The following TULP4 variants were observed in gnomAD, a reference collection of about 807,000 sequenced individuals.
TULP4 encodes the protein TUB like protein 4, also known as tubby-related protein 4.
In TULP4, 16 loss-of-function variants were observed where a neutral mutation model predicts 129.0. That is an observed-to-expected ratio of 0.12 (90% CI 0.08 to 0.19). The LOEUF is 0.19. Ranked by LOEUF, TULP4 falls within the 10% of genes least tolerant of loss-of-function variation. TULP4 has a pLI of 1.00. For missense variants in TULP4, 1,842 were observed against 2,059.1 expected (o/e 0.89, Z 2.04); for synonymous variants, 998 against 854.0 (o/e 1.17, Z -2.94).
chr6:158,305,119 C>G lies in TULP4; in HGVS notation n.117-6932C>G, dbSNP rs79505836. 1.4e-4 allele frequency among the ~76,000 whole-genome samples: 21 copies of G among 152,192 alleles called. No individual in the cohort carries two copies. In the East Asian group the frequency reaches 4.1e-3, roughly 29 times the overall value. The stretch of plus-strand genomic sequence containing the variant: ...CTCTTTATTTCCCCTCCCCTCAGCC[C>G]CTGGCACTCACCCTTCTACTTACTG... On this transcript the variant is annotated intron_variant and non_coding_transcript_variant, in intron 1 of 1. Coordinates refer to the TULP4 transcript ENST00000432358.
rs118010072 is a variant in TULP4 at position 158,464,906 on chromosome 6, G to A, written c.1026+3177G>A. On this transcript the variant is annotated intron_variant, in intron 6 of 13. Coordinates refer to ENST00000367097, the MANE Select transcript of TULP4 (RefSeq NM_020245.5). ...GGTTTTGCAGGGTTTTGCCATTTGC[G>A]GGTTTTGCCATTTGCAGGTTTTGCC... 6.1e-4 allele frequency among the ~76,000 whole-genome samples: 93 copies of A among 152,268 alleles called. No individual in the cohort carries two copies. In the East Asian group the frequency reaches 0.015, roughly 24 times the overall value.
chr6:158,291,764 G>A (rs1360324418), intron 1 of TULP4, among the ~76,000 whole-genome samples: 2 of 151,766 alleles, frequency 1.3e-5, no homozygotes, highest in Non-Finnish European at 2.9e-5. Context: ...GTAATTTCTT[G>A]AGCTATTAGA....
At chr6:158,257,613 G>A (rs1003410902) in intron 1 of TULP4, among the ~76,000 whole-genome samples, 2 of 152,118 alleles carry the variant, frequency 1.3e-5, no homozygotes, top group Admixed American at 1.3e-4. Flanking sequence ...TGTCCCTTTG[G>A]TTTTGCAGCT....
intron 1 of TULP4, among the ~76,000 whole-genome samples, chr6:158,285,164 C>T (rs1027500949): frequency 6.6e-6 from 1 of 152,130 alleles, no homozygotes; most frequent in African/African-American, 2.4e-5. Context: ...GAACAGTTTA[C>T]GTTCAGGGTC....
At chr6:158,238,916 C>G (rs1206467766) in intron 1 of TULP4, among the ~76,000 whole-genome samples, 1 of 120,602 alleles carries the variant, frequency 8.3e-6, no homozygotes, top group Admixed American at 8.1e-5. Flanking sequence ...CATTGTCATC[C>G]TGGCCCGTTC....
chr6:158,305,322 TGC>T (rs1305294584), intron 1 of TULP4, among the ~76,000 whole-genome samples: 5 of 111,628 alleles, frequency 4.5e-5, no homozygotes, highest in Admixed American at 1.2e-4. Flanking sequence ...TCATTCTGTG[TGC>T]GTGTGTGTGT....
upstream of TULP4, among the ~76,000 whole-genome samples, chr6:158,307,576 G>C (rs1779238905): frequency 6.6e-6 from 1 of 152,106 alleles, no homozygotes; most frequent in Admixed American, 6.5e-5. Flanking sequence ...CCGCCTCCTG[G>C]GTTCAATTGA....
intron 3 of TULP4, among the ~76,000 whole-genome samples, chr6:158,441,991 C>T (rs549670416): frequency 1.3e-5 from 2 of 152,296 alleles, no homozygotes; most frequent in East Asian, 3.9e-4. Context: ...GCGTTGACAG[C>T]CCCCTTCCTG....
At chr6:158,281,827 TGTCCCTTCCACCATCTGATGACTCTTCC>T (rs1369992711), upstream of TULP4, among the ~76,000 whole-genome samples, 1 of 152,238 alleles carries the variant, frequency 6.6e-6, no homozygotes, top group African/African-American at 2.4e-5. Flanking sequence ...TTATTGTCTT[TGTCCCTTCCACCATCTGATGACTCTTCC>T]GTAGTGCTTC....
At chr6:158,319,884 C>T (rs1359951494) in intron 1 of TULP4, among the ~76,000 whole-genome samples, 1 of 152,140 alleles carries the variant, frequency 6.6e-6, no homozygotes, top group Non-Finnish European at 1.5e-5. Flanking sequence ...TCCTGTGATA[C>T]ATAGCTTCAT....
At chr6:158,395,389 T>A (rs565027510) in intron 1 of TULP4, among the ~76,000 whole-genome samples, 1 of 152,124 alleles carries the variant, frequency 6.6e-6, no homozygotes, top group Admixed American at 6.5e-5. Context: ...GAGACCAGCC[T>A]GACCAGCATG....
intron 1 of TULP4, among the ~76,000 whole-genome samples, chr6:158,232,621 G>A (rs1304743376): frequency 6.6e-6 from 1 of 152,132 alleles, no homozygotes; most frequent in Non-Finnish European, 1.5e-5. Flanking sequence ...GGTGGTGCGT[G>A]TGGTGTGTGT....
chr6:158,241,192 G>A (rs920402392), intron 1 of TULP4, among the ~76,000 whole-genome samples: 1 of 130,774 alleles, frequency 7.6e-6, no homozygotes, highest in African/African-American at 2.7e-5. Context: ...ATGTGATGGC[G>A]GCTGGGAAGA....
chr6:158,280,282 C>T (rs1778725882), upstream of TULP4, among the ~76,000 whole-genome samples: 1 of 152,130 alleles, frequency 6.6e-6, no homozygotes, highest in Non-Finnish European at 1.5e-5. Flanking sequence ...TGATACTATG[C>T]ATTCATGCCA....
upstream of TULP4, among the ~76,000 whole-genome samples, chr6:158,309,611 G>A (rs1053203998): frequency 4.6e-5 from 7 of 152,232 alleles, no homozygotes; most frequent in Middle Eastern, 3.4e-3. Flanking sequence ...ATTGAGCACC[G>A]AGTGAACCAG....
intron 1 of TULP4, among the ~76,000 whole-genome samples, chr6:158,329,059 G>T (rs1779815579): frequency 6.6e-6 from 1 of 152,056 alleles, no homozygotes; most frequent in Non-Finnish European, 1.5e-5. Flanking sequence ...TTTCCAGTTG[G>T]GTCCACCCAC....
chr6:158,395,423 A>C (rs1777685938), intron 1 of TULP4, among the ~76,000 whole-genome samples: 1 of 151,988 alleles, frequency 6.6e-6, no homozygotes, highest in African/African-American at 2.4e-5. Context: ...TCTACTAAAA[A>C]TACAAAAATT....
intron 8 of TULP4, among the ~76,000 whole-genome samples, chr6:158,484,860 A>G (rs1780030213): frequency 1.3e-5 from 2 of 152,268 alleles, no homozygotes; most frequent in Admixed American, 6.5e-5. Flanking sequence ...TCTTGCATAC[A>G]CACACGCATA....
In TULP4 at chr6:158,312,711, A is replaced by G. The variant is rs1253201357; in HGVS notation, c.-1306A>G. The G allele has an allele frequency of 6.6e-6, 1 of 152,186 alleles. No homozygotes were observed. The highest frequency in any genetic ancestry group is 2.4e-5 in the African/African-American group (1 of 41,440). 9.4% of individuals were successfully genotyped at this position (152,186 alleles called of 1,614,324 possible). A position where few individuals can be genotyped will look rare whatever the true frequency, so the allele number is the denominator to read the frequency against. On this transcript the variant is annotated 5_prime_UTR_variant, in exon 1 of 14. In the 5' UTR this introduces an upstream ATG that the reference lacks. Transcript: ENST00000367097. ...TTTTTTCCTGCATCTATAGGATAAT[A>G]TTGTAAAATAGCAATTGAAACCAAT...
Sources: gnomAD v4.1 joint callset for allele counts (sites outside exome capture counted in the v4.1 genomes callset) on GRCh38, gnomAD v4.1.1 for gene constraint, MANE v1.5 for transcripts, NCBI Gene and HGNC (gene_info 2026-07-23, HGNC 2026-07-21) for gene names.